RAD51C: variants seen among roughly 807,000 people sequenced by gnomAD.
RAD51C encodes the protein RAD51 paralog C.
In RAD51C, 42 loss-of-function variants were observed where a neutral mutation model predicts 45.0. The observed-to-expected ratio is 0.93, with a 90% CI of 0.73 to 1.21. RAD51C has a LOEUF of 1.21. Ranked by LOEUF, RAD51C falls within the 50% of genes most tolerant of loss-of-function variation. The pLI is 0.00. For synonymous variants in RAD51C, 172 were observed against 159.8 expected (o/e 1.08, Z -0.58); for missense variants, 474 against 452.2 (o/e 1.05, Z -0.44).
intron 3 of RAD51C, 48 bp from the exon 4 acceptor site, chr17:58,703,148 A>G: frequency 6.3e-7 from 1 of 1,587,242 alleles, no homozygotes; most frequent in Non-Finnish European, 8.6e-7. Context: ...TACAATTGCC[A>G]ATACATCCAA....
rs189197279 is a variant in RAD51C at position 58,715,837 on chromosome 17, G to A, written c.838-4909G>A. Among the ~76,000 whole-genome samples the A allele has an allele frequency of 2.6e-5, 4 of 152,284 alleles. No homozygotes were observed. In the East Asian group the frequency reaches 7.7e-4, roughly 29 times the overall value. On this transcript the variant is annotated intron_variant, in intron 5 of 8. Coordinates refer to ENST00000337432, the MANE Select transcript of RAD51C (RefSeq NM_058216.3). Reference sequence around the variant, plus strand: ...TTTAAACTTTTGACCTGGCATGGTGGCTCACGCCTGTAATCCCAGCACTTT... The same window carrying A: ...TTTAAACTTTTGACCTGGCATGGTGACTCACGCCTGTAATCCCAGCACTTT...
At chr17:58,710,363 T>TGG (rs1353825769) in intron 5 of RAD51C, among the ~76,000 whole-genome samples, 1 of 140,350 alleles carries the variant, frequency 7.1e-6, no homozygotes, top group African/African-American at 2.7e-5. Context: ...CCCGGTGTGG[T>TGG]GGCATGCCCC....
At chr17:58,712,344 C>CAAAAAAA (rs5821244) in intron 5 of RAD51C, among the ~76,000 whole-genome samples, 3 of 83,074 alleles carry the variant, frequency 3.6e-5, no homozygotes, top group Admixed American at 1.6e-4. Context: ...CACTCCATCT[C>CAAAAAAA]AAAAAAAAAA....
intron 5 of RAD51C, among the ~76,000 whole-genome samples, chr17:58,710,395 G>A (rs1481021142): frequency 6.6e-6 from 1 of 150,952 alleles, no homozygotes; most frequent in Admixed American, 6.6e-5. Flanking sequence ...CTACTCGGGA[G>A]GCTGAGGTAG....
intron 4 of RAD51C, among the ~76,000 whole-genome samples, chr17:58,705,554 G>C (rs947437463): frequency 6.6e-6 from 1 of 152,148 alleles, no homozygotes; most frequent in East Asian, 1.9e-4. Flanking sequence ...AGATGTTCTC[G>C]ATCTCCTGAT....
At chr17:58,711,060 A>G (rs1264234941) in intron 5 of RAD51C, among the ~76,000 whole-genome samples, 1 of 152,138 alleles carries the variant, frequency 6.6e-6, no homozygotes, top group Non-Finnish European at 1.5e-5. Flanking sequence ...TTTTTTTGCC[A>G]TATGCTGAAA....
At chr17:58,712,883 G>GTAATCCC (rs2048608390) in intron 5 of RAD51C, among the ~76,000 whole-genome samples, 1 of 152,132 alleles carries the variant, frequency 6.6e-6, no homozygotes, top group East Asian at 1.9e-4. Context: ...AGCACTTTGG[G>GTAATCCC]AGGCCAAGGT....
rs555235745 is a variant in RAD51C at position 58,696,723 on chromosome 17, A to G, written c.435A>G (p.Pro145=). 3.7e-6 allele frequency: 6 copies of G among 1,614,232 alleles called. No individual in the cohort carries two copies. The East Asian group carries it at 8.9e-5, about 24-fold the overall frequency. ...AGTTGGCAGTAGATGTGCAGATACC[A>G]GAATGTTTTGGAGGAGTGGCAGGTG... ...CMQLAVDVQI[P]ECFGGVAGEA... is the part of the protein sequence containing the mutation. Residue 145 remains proline, a synonymous_variant, in exon 3 of 9, where the codon CCA becomes CCG. Coordinates refer to ENST00000337432, the MANE Select transcript of RAD51C (RefSeq NM_058216.3).
chr17:58,726,428 ATG>A (rs2049131415), intron 7 of RAD51C, among the ~76,000 whole-genome samples: 1 of 150,354 alleles, frequency 6.7e-6, no homozygotes, highest in Non-Finnish European at 1.5e-5. Context: ...ATATGTATAT[ATG>A]TGTATACGTA....
intron 1 of RAD51C, chr17:58,694,579 G>T: frequency 3.0e-6 from 1 of 337,116 alleles, no homozygotes. Flanking sequence ...AGGTTCAAGT[G>T]ATTGTCCTGC....
At chr17:58,694,860 G>A (rs2047936354) in intron 1 of RAD51C, 71 bp from the exon 2 acceptor site, 2 of 1,333,260 alleles carry the variant, frequency 1.5e-6, no homozygotes, top group Non-Finnish European at 2.2e-6. Context: ...AATTAATAAA[G>A]ACAATCGATT....
chr17:58,703,822 G>A (rs1302458712), intron 4 of RAD51C, among the ~76,000 whole-genome samples: 2 of 151,368 alleles, frequency 1.3e-5, no homozygotes, highest in African/African-American at 4.9e-5. Flanking sequence ...CGTGTGTGGT[G>A]TAGCTGTAGT....
At chr17:58,715,903 G>A (rs944278746) in intron 5 of RAD51C, among the ~76,000 whole-genome samples, 35 of 152,022 alleles carry the variant, frequency 2.3e-4, no homozygotes, top group Admixed American at 1.8e-3. Flanking sequence ...TCAGGAGTTC[G>A]AGACCAGCCT....
upstream of RAD51C, chr17:58,692,590 C>T (rs28363298): frequency 1.2e-6 from 2 of 1,610,222 alleles, no homozygotes; most frequent in Non-Finnish European, 1.7e-6. Context: ...CGCCGCACGC[C>T]CCAGCGAGGG....
rs75529788 is a variant in RAD51C, at chr17:58,729,897, A to G, written c.966-2587A>G. ...ACTTTAGGATTCTTAACAAGCATGT[A>G]AATGCTTCTTAAAAGCTTTTCACTT... On this transcript the variant is annotated intron_variant, in intron 7 of 8. Transcript: ENST00000337432. 9.7e-4 allele frequency among the ~76,000 whole-genome samples: 148 copies of G among 151,912 alleles called. 3 individuals carry two copies. In the East Asian group the frequency reaches 0.026, roughly 27 times the overall value.
intron 1 of RAD51C, chr17:58,694,309 C>T (rs1415358002): frequency 6.5e-6 from 1 of 153,066 alleles, no homozygotes; most frequent in Non-Finnish European, 1.5e-5. Flanking sequence ...ATAATTATGG[C>T]TTCATAAGAC....
upstream of RAD51C, chr17:58,692,596 G>T (rs774649783): frequency 1.1e-4 from 170 of 1,610,486 alleles, 1 homozygote; most frequent in East Asian, 1.3e-3. Flanking sequence ...ACGCCCCAGC[G>T]AGGGCGTGCG....
rs1555602145 is a variant in RAD51C at position 58,720,800 on chromosome 17, G to A, written c.892G>A (p.Val298Ile). The stretch of plus-strand genomic sequence containing the variant: ...GATTGATAGAAATCAGGCCTTGCTT[G>A]TTCCTGCATTAGGTGGGTAATTAAT... ...TKIDRNQALL[V>I]PALGESWGHA... Residue 298 changes from valine (V) to isoleucine (I), a missense_variant, in exon 6 of 9, where the codon GTT (valine) becomes ATT (isoleucine). By Grantham distance (29) the Val-to-Ile change is conservative. Coordinates refer to ENST00000337432, the MANE Select transcript of RAD51C (RefSeq NM_058216.3). 6.2e-7 allele frequency: 1 copy of A among 1,611,488 alleles called. No individual in the cohort carries two copies. Among genetic ancestry groups the A allele is most frequent in the Admixed American group, 1.7e-5 (1 of 60,006 alleles).
At chr17:58,714,267 G>C (rs1039495131) in intron 5 of RAD51C, among the ~76,000 whole-genome samples, 4 of 152,052 alleles carry the variant, frequency 2.6e-5, no homozygotes, top group African/African-American at 4.8e-5. Context: ...TTACAGGTGT[G>C]AGCCACCACA....
Sources: allele counts gnomAD v4.1 joint callset (sites outside exome capture counted in the v4.1 genomes callset), GRCh38; gene constraint gnomAD v4.1.1; transcripts MANE v1.5; gene names NCBI Gene and HGNC (gene_info 2026-07-23, HGNC 2026-07-21).